Variants in CNTN4 observed in about 807,000 individuals in gnomAD.
The protein encoded by CNTN4 is contactin 4.
A neutral mutation model predicts 122.5 loss-of-function variants in CNTN4; 77 were observed. The ratio of observed to expected loss-of-function variants is 0.63; its 90% confidence interval spans 0.52 to 0.76. The LOEUF is 0.76. Among genes scored for constraint, CNTN4 ranks in the 30% least tolerant of loss-of-function variants. The pLI, the probability that CNTN4 is intolerant of heterozygous loss-of-function variation, is 0.00. For missense variants in CNTN4, 1,256 were observed against 1,259.1 expected, an observed-to-expected ratio of 1.00 and a Z score of 0.04; for synonymous variants, 512 against 447.0, an observed-to-expected ratio of 1.15 and a Z score of -1.83.
intron 13 of CNTN4, among the ~76,000 whole-genome samples, chr3:2,964,158 A>G (rs1322941045): frequency 1.3e-5 from 2 of 152,190 alleles, no homozygotes; most frequent in African/African-American, 4.8e-5. Context: ...GACCTGACTG[A>G]TACACAATAT....
intron 14 of CNTN4, among the ~76,000 whole-genome samples, chr3:3,016,146 C>G (rs1329130552): frequency 6.6e-6 from 1 of 152,122 alleles, no homozygotes; most frequent in African/African-American, 2.4e-5. Flanking sequence ...CCATCACAGT[C>G]AAAGGCACGC....
chr3:2,459,581 G>A (rs2049127289), intron 3 of CNTN4, among the ~76,000 whole-genome samples: 2 of 152,096 alleles, frequency 1.3e-5, no homozygotes, highest in African/African-American at 2.4e-5. Flanking sequence ...TGGCCAGTTA[G>A]ACTTTTCATC....
At chr3:2,366,020 A>G (rs2045361946) in intron 3 of CNTN4, among the ~76,000 whole-genome samples, 2 of 152,226 alleles carry the variant, frequency 1.3e-5, no homozygotes. Context: ...TTTGGGGGTG[A>G]GGAAGTTACA....
chr3:2,208,775 G>A (rs560685259), intron 2 of CNTN4, among the ~76,000 whole-genome samples: 3 of 152,092 alleles, frequency 2.0e-5, no homozygotes, highest in African/African-American at 7.2e-5. Flanking sequence ...TTAGTCAGCA[G>A]CCATAATACT....
At chr3:2,705,285 G>A (rs184136025) in intron 4 of CNTN4, among the ~76,000 whole-genome samples, 2,468 of 146,928 alleles carry the variant, frequency 0.017, 85 homozygotes, top group African/African-American at 0.06. Flanking sequence ...GGAGAATGGC[G>A]GGAACCTAGG....
At chr3:2,284,555 T>A (rs2041837063) in intron 2 of CNTN4, among the ~76,000 whole-genome samples, 2 of 152,110 alleles carry the variant, frequency 1.3e-5, no homozygotes. Context: ...ATATAAAGTG[T>A]AATTTCAAGG....
At chr3:2,558,433 C>T (rs144426666) in intron 3 of CNTN4, among the ~76,000 whole-genome samples, 20 of 152,250 alleles carry the variant, frequency 1.3e-4, no homozygotes, top group African/African-American at 4.6e-4. Context: ...AACTACTAGT[C>T]AATCTTGTTG....
chr3:2,137,050 A>G (rs1286414311), intron 2 of CNTN4, among the ~76,000 whole-genome samples: 2 of 152,208 alleles, frequency 1.3e-5, no homozygotes, highest in Non-Finnish European at 2.9e-5. Flanking sequence ...ATATTTTCCC[A>G]GTATCTAAAG....
intron 4 of CNTN4, among the ~76,000 whole-genome samples, chr3:2,610,629 G>T (rs1222130552): frequency 6.6e-6 from 1 of 152,158 alleles, no homozygotes. Flanking sequence ...ATGTACAAAT[G>T]CTTGTTATCA....
chr3:2,320,585 AT>A (rs2043245723), intron 2 of CNTN4, among the ~76,000 whole-genome samples: 1 of 152,134 alleles, frequency 6.6e-6, no homozygotes, highest in African/African-American at 2.4e-5. Flanking sequence ...TTAATGGCAC[AT>A]TAATTTTCTA....
intron 4 of CNTN4, among the ~76,000 whole-genome samples, chr3:2,675,792 A>C (rs1331099771): frequency 6.6e-6 from 1 of 152,324 alleles, no homozygotes; most frequent in Non-Finnish European, 1.5e-5. Flanking sequence ...TCCTACTGTT[A>C]CCATGTCTGA....
At chr3:2,301,443 T>A (rs1288981616) in intron 2 of CNTN4, among the ~76,000 whole-genome samples, 1 of 152,082 alleles carries the variant, frequency 6.6e-6, no homozygotes, top group East Asian at 1.9e-4. Flanking sequence ...TACTACTAGT[T>A]AAAAAAAATT....
chr3:2,952,532 T>G (rs2094756688), intron 13 of CNTN4, among the ~76,000 whole-genome samples: 1 of 152,358 alleles, frequency 6.6e-6, no homozygotes, highest in East Asian at 1.9e-4. Context: ...TATGTGCATT[T>G]TTTCAAAATG....
At chr3:2,945,913 A>C (rs1048249160) in intron 13 of CNTN4, among the ~76,000 whole-genome samples, 1 of 152,230 alleles carries the variant, frequency 6.6e-6, no homozygotes, top group South Asian at 2.1e-4. Flanking sequence ...GGAATTTTTC[A>C]AAAGTGAGAT....
rs939653459 is a variant in CNTN4, at chr3:2,697,350, C to T, written c.56-38865C>T. On this transcript the variant is annotated intron_variant, in intron 4 of 24. Coordinates refer to ENST00000418658, the MANE Select transcript of CNTN4 (RefSeq NM_175607.3). ...TTTTCTTTGGAGAACTATACCTGTC[C>T]TATTTTCAGCAGTCCATTTGTTTTT... Among the ~76,000 whole-genome samples the T allele has an allele frequency of 2.0e-5, 3 of 152,136 alleles. No individual in the cohort carries two copies. In the South Asian group the frequency reaches 6.2e-4, roughly 31 times the overall value.
At chr3:3,040,870 T>G (rs1451347475) in intron 20 of CNTN4, among the ~76,000 whole-genome samples, 2 of 151,258 alleles carry the variant, frequency 1.3e-5, no homozygotes, top group Non-Finnish European at 2.9e-5. Flanking sequence ...GAGGTTGCGG[T>G]GAGCCGAGAT....
chr3:2,835,201 G>A (rs918562368), intron 7 of CNTN4, among the ~76,000 whole-genome samples: 3 of 151,840 alleles, frequency 2.0e-5, no homozygotes, highest in Admixed American at 1.3e-4. Flanking sequence ...CACCTCGCCC[G>A]GCAGATAAAG....
At chr3:2,411,928 G>C (rs1223232197) in intron 3 of CNTN4, among the ~76,000 whole-genome samples, 1 of 152,110 alleles carries the variant, frequency 6.6e-6, no homozygotes, top group Non-Finnish European at 1.5e-5. Flanking sequence ...GATCAAGATA[G>C]AGAATATTTC....
At chr3:2,962,624 T>C (rs2094873152) in intron 13 of CNTN4, among the ~76,000 whole-genome samples, 1 of 152,110 alleles carries the variant, frequency 6.6e-6, no homozygotes. Context: ...GTTCATCAGG[T>C]TCTTTGTCCT....
Sources: allele counts gnomAD v4.1 joint callset (sites outside exome capture counted in the v4.1 genomes callset), GRCh38; gene constraint gnomAD v4.1.1; transcripts MANE v1.5; gene names NCBI Gene and HGNC (gene_info 2026-07-23, HGNC 2026-07-21).